ASMTL: variants seen among roughly 807,000 people sequenced by gnomAD.
The protein encoded by ASMTL is probable bifunctional dTTP/UTP pyrophosphatase/methyltransferase protein.
In ASMTL, 57 loss-of-function variants were observed where a neutral mutation model predicts 60.3. The observed-to-expected ratio is 0.95, with a 90% CI of 0.76 to 1.18. The LOEUF (loss-of-function observed/expected upper bound fraction) is 1.18, where lower values mean the gene tolerates loss of function less well. ASMTL is among the 50% of genes most tolerant of loss of function. The pLI, the probability that ASMTL is intolerant of heterozygous loss-of-function variation, is 0.00. For synonymous variants in ASMTL, 419 were observed against 373.0 expected (o/e 1.12, Z -1.42); for missense variants, 981 against 852.6 (o/e 1.15, Z -1.88).
intron 11 of ASMTL, among the ~76,000 whole-genome samples, chrX:1,414,666 C>A (rs1282244017): frequency 1.3e-5 from 2 of 152,076 alleles, no homozygotes; most frequent in African/African-American, 4.8e-5. Context: ...TAAGATCACG[C>A]CACTGCACTC....
intron 5 of ASMTL, among the ~76,000 whole-genome samples, chrX:1,433,054 C>T (rs1204167235): frequency 1.2e-4 from 18 of 152,144 alleles, no homozygotes; most frequent in South Asian, 4.2e-4. Flanking sequence ...GCCAAGATCA[C>T]GCCACTGTAC....
In ASMTL at chrX:1,417,998, C is replaced by T. The variant is rs779153945; in HGVS notation, c.1497G>A (p.Gln499=). The change falls in exon 11 of 13, where the codon CAG becomes CAA. Residue 499 remains glutamine, a synonymous_variant. Coordinates refer to ENST00000381317, the MANE Select transcript of ASMTL (RefSeq NM_004192.4). ...CTGCTGCGAAGTGGATCTGCACTGC[C>T]TGCGGTCCGGGGGGTTGGAAGTGGG... ...LAAHFQPPGP[Q]AVQIHFAAGD... The T allele has an allele frequency of 6.2e-7, 1 of 1,612,890 alleles. No homozygotes were observed. Among genetic ancestry groups the T allele is most frequent in the South Asian group, 1.1e-5 (1 of 90,896 alleles).
chrX:1,452,794 A>G lies in ASMTL; in HGVS notation c.47T>C (p.Val16Ala). ...ACGGCGTGGGGAGGCGCTGGCCAGC[A>G]CCACGCGCTTGTGCAGCAGCTTCCC... ...VIGKLLHKRVVLASASPRRQE... is the reference protein window; with the variant it reads ...VIGKLLHKRVALASASPRRQE... Residue 16 changes from valine to alanine, a missense_variant, in exon 1 of 13, where the codon GTG becomes GCG. By Grantham distance (64) the Val-to-Ala change is moderately conservative. Coordinates refer to ENST00000381317, the MANE Select transcript of ASMTL (RefSeq NM_004192.4). The G allele has an allele frequency of 6.3e-7, 1 of 1,596,994 alleles. No homozygotes were observed. Among genetic ancestry groups the G allele is most frequent in the Non-Finnish European group, 8.5e-7 (1 of 1,177,492 alleles).
rs1346964850 is a variant in ASMTL at position 1,426,049 on chromosome X, G to C, written c.898-362C>G. On this transcript the variant is annotated intron_variant, in intron 7 of 12. Transcript: ENST00000381317. ...TAAAGAAGTGATTCAGGTAAAATGA[G>C]GTCATTTGGGTGGACCCTAATCCAA... 2.6e-4 allele frequency among the ~76,000 whole-genome samples: 39 copies of C among 152,082 alleles called. 1 individual carries two copies. The highest frequency in any genetic ancestry group is 4.4e-5 in the Non-Finnish European group (3 of 68,018).
intron 9 of ASMTL, among the ~76,000 whole-genome samples, chrX:1,420,254 T>C (rs1199170902): frequency 2.0e-5 from 3 of 151,814 alleles, no homozygotes; most frequent in Non-Finnish European, 2.9e-5. Context: ...TCTCCGTGTC[T>C]GTCTCACTCT....
intron 10 of ASMTL, 48 bp from the exon 11 acceptor site, chrX:1,418,164 T>A (rs1386213670): frequency 2.4e-5 from 37 of 1,538,168 alleles, no homozygotes; most frequent in Non-Finnish European, 3.3e-5. Flanking sequence ...TCTATGGAAC[T>A]CTGACGACTC....
At chrX:1,435,661 C>G in intron 4 of ASMTL, 33 bp downstream of exon 4, 1 of 1,611,366 alleles carries the variant, frequency 6.2e-7, no homozygotes, top group Non-Finnish European at 8.5e-7. Flanking sequence ...GGCTCAGAAC[C>G]CGAGAGGGCT....
At chrX:1,428,173 G>C in intron 6 of ASMTL, 52 bp from the exon 7 acceptor site, 1 of 1,549,764 alleles carries the variant, frequency 6.5e-7, no homozygotes, top group Non-Finnish European at 8.7e-7. Flanking sequence ...AAGTTCCTGG[G>C]TCTGAACATT....
intron 11 of ASMTL, among the ~76,000 whole-genome samples, chrX:1,416,642 T>C (rs183641377): frequency 3.3e-5 from 5 of 150,244 alleles, no homozygotes; most frequent in South Asian, 4.2e-4. Flanking sequence ...CTCACACATA[T>C]GCAAGCACAC....
chrX:1,444,376 T>G (rs1265648570), intron 1 of ASMTL, among the ~76,000 whole-genome samples: 4 of 151,822 alleles, frequency 2.6e-5, no homozygotes, highest in African/African-American at 4.8e-5. Flanking sequence ...ACCCGGCTAA[T>G]TTTTGTATTT....
chrX:1,437,765 C>T (rs1319484073), intron 3 of ASMTL, among the ~76,000 whole-genome samples: 27 of 150,978 alleles, frequency 1.8e-4, no homozygotes, highest in South Asian at 2.1e-4. Context: ...CACGTGGTCG[C>T]GCGCACCTGT....
chrX:1,406,177 TGATGGGTAGATAGATGAATG>T (rs1168003270), intron 12 of ASMTL, among the ~76,000 whole-genome samples: 20 of 139,872 alleles, frequency 1.4e-4, no homozygotes, highest in Non-Finnish European at 2.3e-4. Flanking sequence ...AGATGGTAGA[TGATGGGTAGATAGATGAATG>T]GATGGATGAG....
chrX:1,418,468 G>T (rs1336437657), intron 10 of ASMTL, among the ~76,000 whole-genome samples: 31 of 151,750 alleles, frequency 2.0e-4, no homozygotes, highest in Non-Finnish European at 4.0e-4. Context: ...CCCAGGGGTG[G>T]GGGCTGTACT....
intron 6 of ASMTL, among the ~76,000 whole-genome samples, chrX:1,429,105 C>T (rs759762701): frequency 1.3e-4 from 19 of 151,686 alleles, no homozygotes; most frequent in Non-Finnish European, 1.9e-4. Flanking sequence ...ATGTTGGCCA[C>T]GATGGTCTCG....
intron 9 of ASMTL, among the ~76,000 whole-genome samples, chrX:1,420,444 G>C (rs1458207459): frequency 1.3e-5 from 2 of 152,074 alleles, no homozygotes; most frequent in African/African-American, 4.8e-5. Context: ...CGGCTCCCTG[G>C]GGCTCATCTC....
At chrX:1,446,419 T>C (rs2091232298) in intron 1 of ASMTL, among the ~76,000 whole-genome samples, 1 of 152,046 alleles carries the variant, frequency 6.6e-6, no homozygotes, top group South Asian at 2.1e-4. Context: ...TTGTCTTGTG[T>C]CTTTATTTCT....
chrX:1,442,325 A>C lies in ASMTL; in HGVS notation c.94-8T>G. On this transcript the variant is annotated splice_region_variant and splice_polypyrimidine_tract_variant and intron_variant, in intron 1 of 12. Coordinates refer to ENST00000381317, the MANE Select transcript of ASMTL (RefSeq NM_004192.4). ...CACCTCAAACCTGAGACCCTGCAAC[A>C]GTAGAAAAGGGGTCAGAAGGGTCAA... 6.2e-7 allele frequency: 1 copy of C among 1,613,766 alleles called. No homozygotes were observed. Among genetic ancestry groups the C allele is most frequent in the Admixed American group, 1.7e-5 (1 of 59,984 alleles).
intron 5 of ASMTL, 58 bp from the exon 6 acceptor site, chrX:1,432,435 T>G: frequency 7.4e-7 from 1 of 1,353,166 alleles, no homozygotes; most frequent in Non-Finnish European, 1.1e-6. Flanking sequence ...CTCCGTGCCC[T>G]GACAGCTGCG....
intron 7 of ASMTL, among the ~76,000 whole-genome samples, chrX:1,426,908 G>A (rs1490630484): frequency 8.5e-5 from 13 of 152,072 alleles, no homozygotes; most frequent in East Asian, 5.8e-4. Context: ...GCTTGAACCC[G>A]GGAGGCAGAG....
Sources: allele counts gnomAD v4.1 joint callset (sites outside exome capture counted in the v4.1 genomes callset), GRCh38; gene constraint gnomAD v4.1.1; transcripts MANE v1.5; gene names NCBI Gene and HGNC (gene_info 2026-07-23, HGNC 2026-07-21).